TECRL: variants seen among roughly 807,000 people sequenced by gnomAD.
TECRL encodes the protein trans-2,3-enoyl-CoA reductase like.
Under a neutral mutation model 52.8 loss-of-function variants are expected in TECRL, and 63 were observed. That is an observed-to-expected ratio of 1.19 (90% confidence interval 0.97 to 1.47). The LOEUF is 1.47. Ranked by LOEUF, TECRL falls within the 40% of genes most tolerant of loss-of-function variation. The pLI is 0.00. For missense variants in TECRL, 482 were observed against 429.6 expected (o/e 1.12, Z -1.08); for synonymous variants, 164 against 141.9 (o/e 1.16, Z -1.10).
Position 64,278,420 on chromosome 4 carries a change from A to G in TECRL, c.*1652T>C. On this transcript the variant is annotated 3_prime_UTR_variant, in exon 12 of 12. Transcript: ENST00000381210. Reference sequence around the variant, plus strand: ...AAATAATGAGATTCAAGTAATTTAAATGTCAAAACTTTAAAAAATATTTAC... The same window carrying G: ...AAATAATGAGATTCAAGTAATTTAAGTGTCAAAACTTTAAAAAATATTTAC... 4.1e-6 allele frequency: 1 copy of G among 245,288 alleles called. No individual in the cohort carries two copies. Among genetic ancestry groups the G allele is most frequent in the Non-Finnish European group, 6.5e-6 (1 of 153,426 alleles). The allele number at this position is 245,288 out of a possible 1,614,324, so 15.2% of individuals were successfully genotyped here.
chr4:64,404,892 G>T (rs1301040164), intron 1 of TECRL, among the ~76,000 whole-genome samples: 1 of 152,022 alleles, frequency 6.6e-6, no homozygotes, highest in Non-Finnish European at 1.5e-5. Flanking sequence ...TACTGAACAT[G>T]AATGCTGTGT....
chr4:64,347,095 C>T (rs1412549984), intron 2 of TECRL, among the ~76,000 whole-genome samples: 1 of 152,104 alleles, frequency 6.6e-6, no homozygotes, highest in Non-Finnish European at 1.5e-5. Flanking sequence ...CACGGATCTG[C>T]CTTTACAATC....
chr4:64,328,606 C>T (rs1718420807), intron 2 of TECRL, 50 bp from the exon 3 acceptor site: 1 of 1,485,140 alleles, frequency 6.7e-7, no homozygotes, highest in Non-Finnish European at 9.3e-7. Flanking sequence ...GTAACTATAG[C>T]TTATAAAACT....
chr4:64,362,326 A>T (rs1025268586), intron 2 of TECRL, among the ~76,000 whole-genome samples: 9 of 152,068 alleles, frequency 5.9e-5, no homozygotes, highest in African/African-American at 2.2e-4. Context: ...AAAGGTCCAC[A>T]TGCAAATTCA....
intron 2 of TECRL, among the ~76,000 whole-genome samples, chr4:64,368,258 G>C (rs1721739398): frequency 6.8e-6 from 1 of 146,694 alleles, no homozygotes; most frequent in African/African-American, 2.5e-5. Flanking sequence ...TGTTGACAAG[G>C]CTCATAACTG....
At chr4:64,277,133 G>C, downstream of TECRL, 1 of 951,438 alleles carries the variant, frequency 1.1e-6, no homozygotes, top group Non-Finnish European at 1.6e-6. Flanking sequence ...TCTGCCAACA[G>C]TAAGGGAATA....
intron 2 of TECRL, among the ~76,000 whole-genome samples, chr4:64,360,087 A>G (rs897619188): frequency 1.3e-4 from 20 of 152,278 alleles, no homozygotes; most frequent in African/African-American, 4.6e-4. Flanking sequence ...GTAAGTAACC[A>G]TATGTTCAAA....
intron 7 of TECRL, among the ~76,000 whole-genome samples, chr4:64,301,149 G>T (rs1723998093): frequency 6.6e-6 from 1 of 150,722 alleles, no homozygotes; most frequent in South Asian, 2.1e-4. Context: ...AATATTAGCA[G>T]AGAACATTTA....
intron 8 of TECRL, among the ~76,000 whole-genome samples, chr4:64,298,196 A>G (rs902879027): frequency 1.3e-5 from 2 of 151,276 alleles, no homozygotes; most frequent in African/African-American, 4.8e-5. Flanking sequence ...GAAACAGACA[A>G]TGCTTGCTAT....
At chr4:64,322,603 G>T in intron 4 of TECRL, 86 bp downstream of exon 4, 1 of 891,254 alleles carries the variant, frequency 1.1e-6, no homozygotes, top group Non-Finnish European at 1.6e-6. Flanking sequence ...GTTTCGCTAT[G>T]AGTTTATTTG....
chr4:64,291,387 C>T (rs530062825), intron 8 of TECRL, among the ~76,000 whole-genome samples: 7 of 152,082 alleles, frequency 4.6e-5, no homozygotes, highest in South Asian at 4.1e-4. Context: ...TGTTACATTT[C>T]TGTTTAGTCT....
chr4:64,387,781 T>G (rs1723280010), intron 1 of TECRL, among the ~76,000 whole-genome samples: 1 of 152,038 alleles, frequency 6.6e-6, no homozygotes, highest in Non-Finnish European at 1.5e-5. Context: ...GATAAAACTA[T>G]GTGATTTGTT....
At chr4:64,302,960 C>T (rs1724107502) in intron 7 of TECRL, among the ~76,000 whole-genome samples, 1 of 150,770 alleles carries the variant, frequency 6.6e-6, no homozygotes, top group African/African-American at 2.4e-5. Flanking sequence ...TAAATATCAC[C>T]TCATTTTGTT....
At chr4:64,327,244 G>T (rs140527638) in intron 3 of TECRL, among the ~76,000 whole-genome samples, 5 of 151,718 alleles carry the variant, frequency 3.3e-5, no homozygotes, top group African/African-American at 1.2e-4. Flanking sequence ...AGGACACTGC[G>T]ACAACTATAT....
intron 2 of TECRL, among the ~76,000 whole-genome samples, chr4:64,342,117 C>T (rs923571266): frequency 6.6e-6 from 1 of 152,144 alleles, no homozygotes; most frequent in Non-Finnish European, 1.5e-5. Flanking sequence ...AAGCAACACC[C>T]TAAAAATCTC....
At chr4:64,359,073 T>C (rs1396973256) in intron 2 of TECRL, among the ~76,000 whole-genome samples, 5 of 151,898 alleles carry the variant, frequency 3.3e-5, no homozygotes, top group African/African-American at 9.7e-5. Context: ...TGATGCTTTT[T>C]ATGGTTTTCT....
At chr4:64,397,825 T>C (rs1724058059) in intron 1 of TECRL, 1 of 152,098 alleles carries the variant, frequency 6.6e-6, no homozygotes, top group Non-Finnish European at 1.5e-5. Context: ...GTATTTTATA[T>C]TTTTGTTACA....
At chr4:64,331,514 T>A (rs1718637222) in intron 2 of TECRL, among the ~76,000 whole-genome samples, 1 of 152,006 alleles carries the variant, frequency 6.6e-6, no homozygotes, top group South Asian at 2.1e-4. Flanking sequence ...TCAGACAGTG[T>A]CCAGGGACAT....
chr4:64,366,813 G>T (rs1053603302), intron 2 of TECRL, among the ~76,000 whole-genome samples: 12 of 152,098 alleles, frequency 7.9e-5, no homozygotes, highest in Non-Finnish European at 1.6e-4. Context: ...GTGTAAATTG[G>T]TTCAGTCACA....
Sources: allele counts gnomAD v4.1 joint callset (sites outside exome capture counted in the v4.1 genomes callset), GRCh38; gene constraint gnomAD v4.1.1; transcripts MANE v1.5; gene names NCBI Gene and HGNC (gene_info 2026-07-23, HGNC 2026-07-21).